Variants in SLC25A16 observed in about 807,000 individuals in gnomAD.
The protein encoded by SLC25A16 is solute carrier family 25 member 16, also known as mitochondrial coenzyme A transporter SLC25A16.
SLC25A16 carries 39 observed loss-of-function variants against 41.5 expected under a neutral mutation model. The ratio of observed to expected loss-of-function variants is 0.94; its 90% CI spans 0.73 to 1.23. SLC25A16 has a LOEUF of 1.23. SLC25A16 is among the 50% of genes most tolerant of loss of function. The pLI is 0.00. For missense variants in SLC25A16, 421 were observed against 426.9 expected (o/e 0.99, Z 0.12); for synonymous variants, 146 against 147.8 (o/e 0.99, Z 0.09).
chr10:68,496,662 A>G (rs2052753941), intron 4 of SLC25A16: 1 of 973,360 alleles, frequency 1.0e-6, no homozygotes, highest in Non-Finnish European at 1.2e-6. Context: ...CTAAATTCTC[A>G]TCATCTTACT....
At chr10:68,486,530 C>A (rs770006772) in intron 8 of SLC25A16, among the ~76,000 whole-genome samples, 41 of 151,858 alleles carry the variant, frequency 2.7e-4, no homozygotes, top group Non-Finnish European at 2.1e-4. Context: ...CCCGACACCA[C>A]ATCTGGCTAA....
At chr10:68,506,833 G>T in intron 2 of SLC25A16, 115 bp from the exon 3 acceptor site, 1 of 569,962 alleles carries the variant, frequency 1.8e-6, no homozygotes. Flanking sequence ...TTTTGCTTGA[G>T]GGATTACATG....
In SLC25A16 at chr10:68,503,664, T is replaced by C. The variant is rs1464287198; in HGVS notation, c.389A>G (p.His130Arg). The C allele has an allele frequency of 1.9e-6, 3 of 1,604,364 alleles. No homozygotes were observed. Among genetic ancestry groups the C allele is most frequent in the East Asian group, 2.2e-5 (1 of 44,772 alleles). ...GGATCCAGCCATTAATCTGTGCACATGACCTGAAATTCCCAGCTTCGTAGT... is the reference window on the plus strand; with the variant it reads ...GGATCCAGCCATTAATCTGTGCACACGACCTGAAATTCCCAGCTTCGTAGT... Reference protein sequence around the residue: ...LITTKLGISGHVHRLMAGSMA... With the variant: ...LITTKLGISGRVHRLMAGSMA... The change falls in exon 4 of 9, where the codon CAT (histidine) becomes CGT (arginine). Residue 130 changes from histidine to arginine, a missense_variant. Coordinates refer to ENST00000609923, the MANE Select transcript of SLC25A16 (RefSeq NM_152707.4).
intron 4 of SLC25A16, among the ~76,000 whole-genome samples, chr10:68,501,817 A>C (rs2052850764): frequency 6.6e-6 from 1 of 152,180 alleles, no homozygotes; most frequent in African/African-American, 2.4e-5. Context: ...CTGACAAGTC[A>C]TATGGAAAAC....
chr10:68,506,223 C>T (rs1022425268), intron 3 of SLC25A16, among the ~76,000 whole-genome samples: 1 of 152,038 alleles, frequency 6.6e-6, no homozygotes, highest in African/African-American at 2.4e-5. Context: ...AATCCCAACA[C>T]TTTGGGAGGC....
In SLC25A16 at chr10:68,478,226, A is replaced by G. The variant is rs1176369698; in HGVS notation, c.*5206T>C. ...TTCCCATCTGTCAAAAAGAAATATT[A>G]AATGGTACTTATATCATAGTATTGT... On this transcript the variant is annotated 3_prime_UTR_variant, in exon 9 of 9. Coordinates refer to ENST00000609923, the MANE Select transcript of SLC25A16 (RefSeq NM_152707.4). 6.6e-6 allele frequency: 1 copy of G among 152,222 alleles called. No individual in the cohort carries two copies. Among genetic ancestry groups the G allele is most frequent in the East Asian group, 1.9e-4 (1 of 5,206 alleles). 9.4% of individuals were successfully genotyped at this position (152,222 alleles called of 1,614,324 possible).
At chr10:68,493,832 G>C (rs1417122544) in intron 4 of SLC25A16, among the ~76,000 whole-genome samples, 2 of 152,090 alleles carry the variant, frequency 1.3e-5, no homozygotes, top group African/African-American at 4.8e-5. Context: ...TACAGTGTAA[G>C]GGAATCATGA....
chr10:68,527,014 C>A (rs998859411), intron 1 of SLC25A16, among the ~76,000 whole-genome samples: 1 of 152,176 alleles, frequency 6.6e-6, no homozygotes, highest in Non-Finnish European at 1.5e-5. Flanking sequence ...TGATTCAGAC[C>A]TTCCACCTCC....
rs947708118 is a variant in SLC25A16 at position 68,482,735 on chromosome 10, A to G, written c.*697T>C. ...TCATTCATTTATTAAGTGGGGTTTCATGATGTTGCATAGGCTGGCATGGAA... is the reference window on the plus strand; with the variant it reads ...TCATTCATTTATTAAGTGGGGTTTCGTGATGTTGCATAGGCTGGCATGGAA... On this transcript the variant is annotated 3_prime_UTR_variant, in exon 9 of 9. Transcript: ENST00000609923. 2 of 152,176 alleles carry G rather than the reference A, an allele frequency of 1.3e-5. No homozygotes were observed. Among genetic ancestry groups the G allele is most frequent in the African/African-American group, 2.4e-5 (1 of 41,440 alleles). 9.4% of individuals were successfully genotyped at this position (152,176 alleles called of 1,614,324 possible). A position where few individuals can be genotyped will look rare whatever the true frequency, so the allele number is the denominator to read the frequency against.
chr10:68,510,592 GCAC>G (rs2053045168), intron 2 of SLC25A16, among the ~76,000 whole-genome samples: 1 of 152,082 alleles, frequency 6.6e-6, no homozygotes, highest in South Asian at 2.1e-4. Flanking sequence ...TATAATCCCA[GCAC>G]TTTTGGAGGC....
chr10:68,487,405 T>C (rs1461606935), intron 7 of SLC25A16, among the ~76,000 whole-genome samples, 193 bp from the exon 8 acceptor site: 1 of 152,188 alleles, frequency 6.6e-6, no homozygotes, highest in African/African-American at 2.4e-5. Context: ...ATGTGATCCC[T>C]CTGATTAGAG....
intron 1 of SLC25A16, chr10:68,517,382 G>C (rs1326735289): frequency 2.9e-6 from 1 of 343,650 alleles, no homozygotes; most frequent in Non-Finnish European, 4.1e-6. Flanking sequence ...AAGTATAGAT[G>C]AAAGTAGAAT....
intron 2 of SLC25A16, among the ~76,000 whole-genome samples, chr10:68,514,878 C>T (rs548226732): frequency 6.6e-5 from 10 of 151,950 alleles, no homozygotes; most frequent in Non-Finnish European, 1.2e-4. Context: ...ACTAGGATTA[C>T]AGGTGCCTGC....
chr10:68,502,767 G>C (rs1272883493), intron 4 of SLC25A16, among the ~76,000 whole-genome samples: 1 of 79,114 alleles, frequency 1.3e-5, no homozygotes, highest in Non-Finnish European at 2.5e-5. Context: ...GGGGAGGGGA[G>C]GGGAGAAGAA....
intron 4 of SLC25A16, among the ~76,000 whole-genome samples, chr10:68,498,392 A>G (rs1354024301): frequency 6.7e-6 from 1 of 149,308 alleles, no homozygotes; most frequent in Non-Finnish European, 1.5e-5. Context: ...CCTTTTAAAT[A>G]TAAAAGTATT....
intron 6 of SLC25A16, among the ~76,000 whole-genome samples, chr10:68,491,377 G>A (rs574918959): frequency 5.3e-5 from 8 of 151,698 alleles, no homozygotes; most frequent in African/African-American, 1.7e-4. Context: ...AGGCATGTGC[G>A]ACCACGCCCA....
chr10:68,508,642 C>T (rs1022257634), intron 2 of SLC25A16, among the ~76,000 whole-genome samples: 4 of 151,706 alleles, frequency 2.6e-5, no homozygotes, highest in Admixed American at 6.6e-5. Context: ...CGCTTGAACC[C>T]GGGAGGCGGA....
chr10:68,494,255 G>A (rs1485398765), intron 4 of SLC25A16, among the ~76,000 whole-genome samples: 1 of 151,704 alleles, frequency 6.6e-6, no homozygotes, highest in African/African-American at 2.4e-5. Flanking sequence ...ATGAGGTCAA[G>A]AGATCGAGCC....
At chr10:68,496,379 A>T in intron 4 of SLC25A16, 1 of 546,218 alleles carries the variant, frequency 1.8e-6, no homozygotes, top group Admixed American at 6.4e-5. Flanking sequence ...CACTTCTTTT[A>T]AGAAGGCCAA....
Sources: gnomAD v4.1 joint callset for allele counts (sites outside exome capture counted in the v4.1 genomes callset) on GRCh38, gnomAD v4.1.1 for gene constraint, MANE v1.5 for transcripts, NCBI Gene and HGNC (gene_info 2026-07-23, HGNC 2026-07-21) for gene names.